Variants in ELAVL4 observed in about 807,000 individuals in gnomAD.
ELAVL4 encodes the protein ELAV-like protein 4.
In ELAVL4, 1 loss-of-function variant was observed where a neutral mutation model predicts 35.6. The observed-to-expected ratio is 0.03, with a 90% CI of 0.01 to 0.13. ELAVL4 has a LOEUF of 0.13. ELAVL4 is among the 10% of genes least tolerant of loss of function. ELAVL4 has a pLI of 1.00. For synonymous variants in ELAVL4, 156 were observed against 171.0 expected (o/e 0.91, Z 0.69); for missense variants, 267 against 464.9 (o/e 0.57, Z 3.91).
chr1:50,103,199 T>G (rs1014147986), upstream of ELAVL4, among the ~76,000 whole-genome samples: 1 of 152,198 alleles, frequency 6.6e-6, no homozygotes, highest in African/African-American at 2.4e-5. Context: ...TAGACATCCA[T>G]TTGTCACATT....
upstream of ELAVL4, chr1:50,108,833 A>C: frequency 1.1e-6 from 1 of 876,324 alleles, no homozygotes; most frequent in Non-Finnish European, 1.4e-6. Context: ...CTGATGTTGC[A>C]ACGCCTCCCT....
intron 1 of ELAVL4, among the ~76,000 whole-genome samples, chr1:50,085,771 A>G (rs1449781327): frequency 1.3e-5 from 2 of 152,238 alleles, no homozygotes; most frequent in Non-Finnish European, 2.9e-5. Flanking sequence ...TGCATGGCAT[A>G]GTAAATACTT....
At chr1:50,175,913 G>A (rs1679951985) in intron 2 of ELAVL4, 1 of 152,204 alleles carries the variant, frequency 6.6e-6, no homozygotes, top group African/African-American at 2.4e-5. Flanking sequence ...AGTCTTTGCT[G>A]ACATGTGACG....
chr1:50,111,526 A>G (rs1203237241), intron 1 of ELAVL4, among the ~76,000 whole-genome samples: 2 of 152,154 alleles, frequency 1.3e-5, no homozygotes, highest in African/African-American at 2.4e-5. Context: ...CTATAGTTTC[A>G]GGGGAATTCA....
In ELAVL4 at chr1:50,123,903, A is replaced by G. The variant is rs1020620233; in HGVS notation, c.9+14705A>G. On this transcript the variant is annotated intron_variant, in intron 1 of 6. Transcript: ENST00000371824. ...CTGTTAACACTGCCAGCATCATTCC[A>G]TCATTGGTCTTCCACACTCCATAAT... is the stretch of plus-strand genomic sequence containing the variant. Among the ~76,000 whole-genome samples the G allele has an allele frequency of 3.3e-5, 5 of 152,054 alleles. No individual in the cohort carries two copies. In the East Asian group the frequency reaches 7.7e-4, roughly 24 times the overall value.
intron 1 of ELAVL4, among the ~76,000 whole-genome samples, chr1:50,050,784 C>G (rs1308928730): frequency 6.6e-6 from 1 of 152,066 alleles, no homozygotes; most frequent in African/African-American, 2.4e-5. Flanking sequence ...ATTATAATAT[C>G]CATCCATTAT....
At chr1:50,110,506 TTC>T (rs1428657454) in intron 1 of ELAVL4, among the ~76,000 whole-genome samples, 1 of 152,108 alleles carries the variant, frequency 6.6e-6, no homozygotes, top group East Asian at 1.9e-4. Context: ...CATCATCTTT[TTC>T]TGAAAAAAGA....
intron 3 of ELAVL4, among the ~76,000 whole-genome samples, chr1:50,189,105 C>A (rs1042253179): frequency 6.6e-6 from 1 of 152,190 alleles, no homozygotes; most frequent in Non-Finnish European, 1.5e-5. Context: ...TTTTCTGGGG[C>A]TAAAAAGGAT....
chr1:50,182,870 CTT>C (rs544097612), intron 3 of ELAVL4, among the ~76,000 whole-genome samples: 24 of 146,124 alleles, frequency 1.6e-4, no homozygotes, highest in South Asian at 6.5e-4. Context: ...TATTTCCATC[CTT>C]TTTTTTTTTT....
In ELAVL4 at chr1:50,202,543, T is replaced by C. The variant is rs1644430437; in HGVS notation, c.*1365T>C. 6.6e-6 allele frequency: 1 copy of C among 152,190 alleles called. No homozygotes were observed. The highest frequency in any genetic ancestry group is 2.4e-5 in the African/African-American group (1 of 41,454). The allele number at this position is 152,190 out of a possible 1,614,324, so 9.4% of individuals were successfully genotyped here. A position where few individuals can be genotyped will look rare whatever the true frequency, so the allele number is the denominator to read the frequency against. On this transcript the variant is annotated 3_prime_UTR_variant, in exon 7 of 7. Transcript: ENST00000371824. ...AAACACTTATTTATTTAATCGCCGA[T>C]GTGATGATGCCTATGGCCGAGATCA...
At chr1:50,082,215 A>T (rs1158381641) in intron 1 of ELAVL4, among the ~76,000 whole-genome samples, 1 of 152,214 alleles carries the variant, frequency 6.6e-6, no homozygotes, top group Non-Finnish European at 1.5e-5. Flanking sequence ...TTGCTGGGTC[A>T]AATGGTATTT....
intron 1 of ELAVL4, among the ~76,000 whole-genome samples, chr1:50,076,496 A>G (rs942829966): frequency 1.3e-4 from 20 of 152,200 alleles, no homozygotes; most frequent in African/African-American, 4.6e-4. Flanking sequence ...CAAAAACACC[A>G]TAGTATATAT....
intron 1 of ELAVL4, among the ~76,000 whole-genome samples, chr1:50,098,290 A>G (rs1459078050): frequency 2.0e-5 from 3 of 152,378 alleles, no homozygotes; most frequent in African/African-American, 4.8e-5. Flanking sequence ...AGTGAGTTCA[A>G]TATCAATAAC....
At chr1:50,071,268 A>T (rs942199127) in intron 1 of ELAVL4, among the ~76,000 whole-genome samples, 1 of 152,082 alleles carries the variant, frequency 6.6e-6, no homozygotes, top group Non-Finnish European at 1.5e-5. Context: ...TGCTACCTTC[A>T]TTTGAATGTA....
In ELAVL4 at chr1:50,193,869, G is replaced by A. The variant is rs201068285; in HGVS notation, c.459G>A (p.Ser153=). The A allele has an allele frequency of 8.6e-5, 138 of 1,613,876 alleles. No individual in the cohort carries two copies. The highest frequency in any genetic ancestry group is 1.0e-4 in the Non-Finnish European group (123 of 1,179,974). ...MTQKELEQLF[S]QYGRIITSRI... Reference sequence around the variant, plus strand: ...AGAAGGAACTGGAGCAACTTTTCTCGCAATACGGCCGTATCATCACCTCAC... The same window carrying A: ...AGAAGGAACTGGAGCAACTTTTCTCACAATACGGCCGTATCATCACCTCAC... The change falls in exon 4 of 7, where the codon TCG becomes TCA. Residue 153 remains serine, a synonymous_variant. Coordinates refer to ENST00000371824, the MANE Select transcript of ELAVL4 (RefSeq NM_001144774.3).
chr1:50,064,300 C>T (rs1193219933), intron 1 of ELAVL4, among the ~76,000 whole-genome samples: 2 of 152,128 alleles, frequency 1.3e-5, no homozygotes, highest in Non-Finnish European at 2.9e-5. Context: ...TTTATTCTTA[C>T]CGATTTTTTC....
chr1:50,051,985 T>A (rs1663410164), intron 1 of ELAVL4, among the ~76,000 whole-genome samples: 1 of 152,178 alleles, frequency 6.6e-6, no homozygotes, highest in African/African-American at 2.4e-5. Context: ...TACGGCCTAA[T>A]CTCTTCTTTA....
chr1:50,158,798 T>G (rs1676207046), intron 2 of ELAVL4, among the ~76,000 whole-genome samples: 2 of 152,286 alleles, frequency 1.3e-5, no homozygotes, highest in African/African-American at 4.8e-5. Context: ...CCCAGCACTT[T>G]GGGAGTCCAA....
intron 1 of ELAVL4, among the ~76,000 whole-genome samples, chr1:50,126,773 G>A (rs1232793773): frequency 1.3e-5 from 2 of 152,054 alleles, no homozygotes; most frequent in Non-Finnish European, 2.9e-5. Context: ...GCAATGTGTA[G>A]ACCTGAAATT....
Sources: allele counts gnomAD v4.1 joint callset (sites outside exome capture counted in the v4.1 genomes callset), GRCh38; gene constraint gnomAD v4.1.1; transcripts MANE v1.5; gene names NCBI Gene and HGNC (gene_info 2026-07-23, HGNC 2026-07-21).